The following EIF4E3 variants were observed in gnomAD, a reference collection of about 807,000 sequenced individuals.
The protein encoded by EIF4E3 is eukaryotic translation initiation factor 4E family member 3, also known as eukaryotic translation initiation factor 4E type 3.
In EIF4E3, 26 loss-of-function variants were observed where a neutral mutation model predicts 31.7. The observed-to-expected ratio is 0.82, with a 90% confidence interval of 0.60 to 1.14. The LOEUF is 1.14. EIF4E3 is among the 50% of genes most tolerant of loss of function. The probability of loss-of-function intolerance (pLI) is 0.00; values close to 1 mark genes in which losing one functional copy is unlikely to be tolerated. For missense variants in EIF4E3, 304 were observed against 270.9 expected, an observed-to-expected ratio of 1.12 and a Z score of -0.86; for synonymous variants, 128 against 107.7, an observed-to-expected ratio of 1.19 and a Z score of -1.17.
chr3:71,726,287 C>T (rs1159816619), upstream of EIF4E3, among the ~76,000 whole-genome samples: 6 of 152,168 alleles, frequency 3.9e-5, no homozygotes, highest in Admixed American at 3.3e-4. Context: ...AGGAGGAAAG[C>T]GGGCACCTGT....
intron 4 of EIF4E3, among the ~76,000 whole-genome samples, chr3:71,694,197 C>T (rs893527079): frequency 9.2e-5 from 14 of 152,248 alleles, no homozygotes; most frequent in Admixed American, 8.5e-4. Flanking sequence ...TAGTGAAACC[C>T]CTGGTGAAAT....
intron 1 of EIF4E3, among the ~76,000 whole-genome samples, chr3:71,747,835 T>C (rs1559616363): frequency 6.6e-6 from 1 of 152,216 alleles, no homozygotes; most frequent in Non-Finnish European, 1.5e-5. Flanking sequence ...TTCTCTTGCA[T>C]GTGGAGAAAG....
chr3:71,725,414 C>G, upstream of EIF4E3: 4 of 974,604 alleles, frequency 4.1e-6, no homozygotes, highest in Non-Finnish European at 4.9e-6. This position sits in a 1 kb window ranked among gnomAD's most constrained non-coding sequence, Gnocchi z 6.1. Flanking sequence ...GACCGCGGGG[C>G]GAGCGCGGCT....
chr3:71,748,605 C>T (rs1252061015), intron 1 of EIF4E3, among the ~76,000 whole-genome samples: 3 of 152,096 alleles, frequency 2.0e-5, no homozygotes, highest in African/African-American at 4.8e-5. Context: ...ATTCTCACAC[C>T]ACAAGTCTGG....
At chr3:71,703,234 A>G (rs973622968) in intron 2 of EIF4E3, among the ~76,000 whole-genome samples, 34 of 152,330 alleles carry the variant, frequency 2.2e-4, no homozygotes, top group African/African-American at 8.2e-4. Flanking sequence ...TGGGGAACTT[A>G]GCTGAATGCA....
At position 71,684,632 on chromosome 3, in the gene EIF4E3, C is replaced by A. The variant is rs769564093; in HGVS notation, c.*50G>T. ...TCTTCACTCTCCCTCCTGTTAAGAC[C>A]GTTTCCAAAACCAATCAGCAAAGGA... On this transcript the variant is annotated 3_prime_UTR_variant, in exon 7 of 7. Coordinates refer to ENST00000425534, the MANE Select transcript of EIF4E3 (RefSeq NM_001134651.2). The A allele has an allele frequency of 1.2e-6, 2 of 1,609,478 alleles. No individual in the cohort carries two copies. The highest frequency in any genetic ancestry group is 1.1e-5 in the South Asian group (1 of 90,820).
intron 1 of EIF4E3, among the ~76,000 whole-genome samples, chr3:71,719,761 C>T (rs926900016): frequency 6.6e-6 from 1 of 152,158 alleles, no homozygotes; most frequent in East Asian, 1.9e-4. Flanking sequence ...CGCCTCTAAT[C>T]CCAGCACTTT....
downstream of EIF4E3, among the ~76,000 whole-genome samples, chr3:71,673,932 A>T (rs704286): frequency 0.17 from 21,857 of 126,864 alleles, 1,540 homozygotes; most frequent in East Asian, 0.38. Context: ...TATATATATA[A>T]AAAACATAAT....
chr3:71,754,473 A>G (rs2049980133), upstream of EIF4E3: 5 of 1,322,580 alleles, frequency 3.8e-6, no homozygotes, highest in Non-Finnish European at 4.8e-6. This position sits in a 1 kb window ranked among gnomAD's most constrained non-coding sequence, Gnocchi z 5.8. Flanking sequence ...GTGCGCCGCC[A>G]TGCTGGTGTG....
chr3:71,741,215 C>CACACACACACA (rs1440952043), intron 1 of EIF4E3, among the ~76,000 whole-genome samples: 1 of 151,942 alleles, frequency 6.6e-6, no homozygotes, highest in African/African-American at 2.4e-5. Context: ...CACACACACA[C>CACACACACACA]ATCCTGGAAT....
rs1261081071 is a variant in EIF4E3 at position 71,725,115 on chromosome 3, G to C, written c.176+77C>G. 3 of 977,430 alleles carry C rather than the reference G, an allele frequency of 3.1e-6. No individual in the cohort carries two copies. The highest frequency in any genetic ancestry group is 3.7e-6 in the Non-Finnish European group (3 of 816,830). 60.5% of individuals were successfully genotyped at this position (977,430 alleles called of 1,614,324 possible). A position where few individuals can be genotyped will look rare whatever the true frequency, so the allele number is the denominator to read the frequency against. ...ACAGCGGAGCGGGGCCGGGGCGAGG[G>C]GCCGCGCCGAGACAAAGCGGCGGTG... is the stretch of plus-strand genomic sequence containing the variant. On this transcript the variant is annotated intron_variant, in intron 1 of 6. Coordinates refer to ENST00000425534, the MANE Select transcript of EIF4E3 (RefSeq NM_001134651.2). This position sits in a 1 kb window ranked among gnomAD's most constrained non-coding sequence, Gnocchi z 6.1.
At chr3:71,715,363 A>G (rs562210269) in intron 1 of EIF4E3, among the ~76,000 whole-genome samples, 1 of 152,394 alleles carries the variant, frequency 6.6e-6, no homozygotes, top group East Asian at 1.9e-4. Context: ...AATGGTGATC[A>G]TTCTAGAAAA....
the EIF4E3 span, among the ~76,000 whole-genome samples, chr3:71,666,938 C>T: frequency 1.3e-5 from 2 of 148,234 alleles, no homozygotes; most frequent in African/African-American, 5.0e-5. Context: ...GACTTGGTCT[C>T]AAAAAAAAAG....
intron 6 of EIF4E3, among the ~76,000 whole-genome samples, chr3:71,686,459 C>A (rs1230118078): frequency 6.6e-6 from 1 of 151,906 alleles, no homozygotes; most frequent in Non-Finnish European, 1.5e-5. Flanking sequence ...CTCAGGTTGG[C>A]CATACTCCTA....
At chr3:71,740,862 C>T (rs1272427257) in intron 1 of EIF4E3, among the ~76,000 whole-genome samples, 5 of 152,192 alleles carry the variant, frequency 3.3e-5, no homozygotes, top group South Asian at 2.1e-4. Context: ...CCCAGCCGGC[C>T]GCGGTGGCTC....
At chr3:71,742,047 G>A (rs1175491754) in intron 1 of EIF4E3, among the ~76,000 whole-genome samples, 2 of 152,054 alleles carry the variant, frequency 1.3e-5, no homozygotes, top group East Asian at 3.9e-4. Context: ...ACAAATGCCC[G>A]AATAAAGATC....
In EIF4E3 at chr3:71,725,179, C is replaced by T; in HGVS notation, c.176+13G>A. The stretch of plus-strand genomic sequence containing the variant: ...GGTCGGGGCCGTGCGCGGCGGGCCC[C>T]GCGCCCCCTCACCTGTCGAGCCAGA... On this transcript the variant is annotated intron_variant, in intron 1 of 6. Coordinates refer to ENST00000425534, the MANE Select transcript of EIF4E3 (RefSeq NM_001134651.2). The surrounding 1 kb of genome is among the most constrained non-coding windows in gnomAD (Gnocchi z 6.1). The T allele has an allele frequency of 2.8e-6, 3 of 1,086,464 alleles. No homozygotes were observed. The highest frequency in any genetic ancestry group is 3.3e-6 in the Non-Finnish European group (3 of 897,652). 67.3% of individuals were successfully genotyped at this position (1,086,464 alleles called of 1,614,324 possible).
chr3:71,714,147 G>C (rs2049424053), intron 1 of EIF4E3, among the ~76,000 whole-genome samples: 1 of 151,948 alleles, frequency 6.6e-6, no homozygotes, highest in Non-Finnish European at 1.5e-5. Flanking sequence ...GGGAGGCGGA[G>C]GTTGCAGTGA....
At chr3:71,674,512 G>A (rs1355057077), downstream of EIF4E3, among the ~76,000 whole-genome samples, 2 of 152,140 alleles carry the variant, frequency 1.3e-5, no homozygotes, top group African/African-American at 4.8e-5. Context: ...CAGAAGTCAA[G>A]TGCACAGAAC....
Sources: gnomAD v4.1 joint callset for allele counts (sites outside exome capture counted in the v4.1 genomes callset) on GRCh38, gnomAD v4.1.1 for gene constraint, Gnocchi (gnomAD v3.1) non-coding constraint, MANE v1.5 for transcripts, NCBI Gene and HGNC (gene_info 2026-07-23, HGNC 2026-07-21) for gene names.